Variants in ARB2A observed in about 807,000 individuals in gnomAD.
ARB2A encodes cotranscriptional regulator ARB2A.
chr5:94,002,340 T>C, the ARB2A span, among the ~76,000 whole-genome samples: 1 of 152,096 alleles, frequency 6.6e-6, no homozygotes, highest in Admixed American at 6.6e-5. Flanking sequence ...CTTTTGGAGG[T>C]AAAACACACA....
the ARB2A span, among the ~76,000 whole-genome samples, chr5:94,084,902 A>T: frequency 6.6e-6 from 1 of 152,226 alleles, no homozygotes; most frequent in Non-Finnish European, 1.5e-5. Flanking sequence ...TGTGAAACTC[A>T]AACTTTAAAC....
chr5:93,720,275 A>T, the ARB2A span, among the ~76,000 whole-genome samples: 3 of 152,210 alleles, frequency 2.0e-5, no homozygotes, highest in Admixed American at 1.3e-4. Flanking sequence ...GCTTCAAAAG[A>T]CGGAAAGCTT....
chr5:93,696,038 G>A, the ARB2A span, among the ~76,000 whole-genome samples: 10 of 152,218 alleles, frequency 6.6e-5, no homozygotes, highest in Non-Finnish European at 1.3e-4. Flanking sequence ...TCTGTCGGGG[G>A]GTGGGGGACT....
chr5:94,082,139 T>C, the ARB2A span, among the ~76,000 whole-genome samples: 2 of 152,208 alleles, frequency 1.3e-5, no homozygotes, highest in Non-Finnish European at 2.9e-5. Flanking sequence ...TCTAGTTCTC[T>C]GCATTGGCAG....
chr5:94,030,482 T>C, the ARB2A span, among the ~76,000 whole-genome samples: 2 of 152,362 alleles, frequency 1.3e-5, no homozygotes, highest in Non-Finnish European at 2.9e-5. Flanking sequence ...TGGGCCCCTA[T>C]ATCTCAGTGC....
At chr5:93,857,205 T>C in the ARB2A span, among the ~76,000 whole-genome samples, 1 of 152,116 alleles carries the variant, frequency 6.6e-6, no homozygotes. Flanking sequence ...GGGTGGTGCC[T>C]CCCAGTTAGG....
chr5:93,839,660 T>G, the ARB2A span, among the ~76,000 whole-genome samples: 1 of 152,110 alleles, frequency 6.6e-6, no homozygotes, highest in Non-Finnish European at 1.5e-5. Flanking sequence ...CCTGGGCTTT[T>G]TTTTTTGGTT....
chr5:94,038,397 C>T, the ARB2A span, among the ~76,000 whole-genome samples: 1 of 151,998 alleles, frequency 6.6e-6, no homozygotes, highest in African/African-American at 2.4e-5. Context: ...TCTCCCACCT[C>T]CTTAAGCTAA....
At chr5:93,926,572 T>G in the ARB2A span, among the ~76,000 whole-genome samples, 2 of 151,998 alleles carry the variant, frequency 1.3e-5, no homozygotes, top group South Asian at 2.1e-4. Context: ...AGATGCCTCA[T>G]GTAGTAAAAC....
chr5:93,832,970 A>T, the ARB2A span, among the ~76,000 whole-genome samples: 2 of 152,186 alleles, frequency 1.3e-5, no homozygotes, highest in East Asian at 1.9e-4. Context: ...CTTACAAGAA[A>T]TATATATAAA....
the ARB2A span, among the ~76,000 whole-genome samples, chr5:93,835,430 C>CT: frequency 6.6e-6 from 1 of 152,156 alleles, no homozygotes; most frequent in African/African-American, 2.4e-5. Flanking sequence ...TAACCTGTTG[C>CT]TACAAAGTTA....
the ARB2A span, among the ~76,000 whole-genome samples, chr5:93,854,255 G>A: frequency 6.6e-6 from 1 of 152,120 alleles, no homozygotes; most frequent in African/African-American, 2.4e-5. Context: ...AGAGGTGTTT[G>A]TAGTATTCTC....
chr5:93,950,616 C>T, the ARB2A span, among the ~76,000 whole-genome samples: 1 of 136,480 alleles, frequency 7.3e-6, no homozygotes, highest in South Asian at 3.0e-4. Flanking sequence ...GCACTGCAGC[C>T]TGGGTGACAG....
the ARB2A span, among the ~76,000 whole-genome samples, chr5:93,742,722 T>C: frequency 6.6e-6 from 1 of 152,320 alleles, no homozygotes; most frequent in East Asian, 1.9e-4. Flanking sequence ...CAATGGCCTT[T>C]TAAAAAATCC....
At chr5:93,773,201 T>C in the ARB2A span, among the ~76,000 whole-genome samples, 2 of 152,190 alleles carry the variant, frequency 1.3e-5, no homozygotes, top group Non-Finnish European at 2.9e-5. Context: ...AAAGGAGATA[T>C]GTTTCCATTA....
chr5:93,730,909 G>T, the ARB2A span, among the ~76,000 whole-genome samples: 1 of 152,124 alleles, frequency 6.6e-6, no homozygotes, highest in Non-Finnish European at 1.5e-5. Flanking sequence ...GAAGGTTATT[G>T]GTTGGGAGAG....
At chr5:94,059,557 G>A in the ARB2A span, among the ~76,000 whole-genome samples, 4 of 131,848 alleles carry the variant, frequency 3.0e-5, no homozygotes, top group Non-Finnish European at 4.7e-5. Flanking sequence ...GGAGGCAGAG[G>A]TTGCAGTGAG....
chr5:93,780,835 C>T, the ARB2A span, among the ~76,000 whole-genome samples: 4 of 151,738 alleles, frequency 2.6e-5, no homozygotes, highest in Admixed American at 1.3e-4. Context: ...TTGGGATTAC[C>T]GGTGTGAGCC....
the ARB2A span, among the ~76,000 whole-genome samples, chr5:93,939,532 A>AT: frequency 6.6e-6 from 1 of 152,104 alleles, no homozygotes; most frequent in Non-Finnish European, 1.5e-5. Flanking sequence ...ACTGAAACTT[A>AT]TTACAAAAGG....
Sources: gnomAD v4.1 joint callset for allele counts (sites outside exome capture counted in the v4.1 genomes callset) on GRCh38, gnomAD v4.1.1 for gene constraint, MANE v1.5 for transcripts, NCBI Gene and HGNC (gene_info 2026-07-23, HGNC 2026-07-21) for gene names.